The following NEBL variants were observed in gnomAD, a reference collection of about 807,000 sequenced individuals.
NEBL encodes the protein nebulette.
NEBL carries 122 observed loss-of-function variants against 140.2 expected under a neutral mutation model. That is an observed-to-expected ratio of 0.87 (90% CI 0.75 to 1.01). The LOEUF is 1.01. Among genes scored for constraint, NEBL ranks in the 50% least tolerant of loss-of-function variants. The probability of loss-of-function intolerance (pLI) is 0.00; values close to 1 mark genes in which losing one functional copy is unlikely to be tolerated. For synonymous variants in NEBL, 436 were observed against 398.9 expected, an observed-to-expected ratio of 1.09 and a Z score of -1.11; for missense variants, 1,365 against 1,231.3, an observed-to-expected ratio of 1.11 and a Z score of -1.62.
intron 4 of NEBL, 22 bp downstream of exon 4, chr10:20,888,075 A>T (rs1395766409): frequency 6.7e-7 from 1 of 1,490,984 alleles, no homozygotes; most frequent in Admixed American, 1.7e-5. Flanking sequence ...CAAAATCATG[A>T]AACACTTTAG....
intron 1 of NEBL, among the ~76,000 whole-genome samples, chr10:21,264,063 C>A (rs1297418785): frequency 6.6e-6 from 1 of 152,142 alleles, no homozygotes. Flanking sequence ...GCTAGTCATG[C>A]TAGGCCTCCT....
intron 5 of NEBL, among the ~76,000 whole-genome samples, chr10:20,870,448 A>G (rs950746029): frequency 6.6e-6 from 1 of 152,040 alleles, no homozygotes; most frequent in African/African-American, 2.4e-5. Flanking sequence ...ATGTCTTTGT[A>G]TCTAAGTGCA....
At chr10:21,172,573 T>C (rs1368537479) in intron 1 of NEBL, 4 of 826,196 alleles carry the variant, frequency 4.8e-6, no homozygotes, top group Non-Finnish European at 2.0e-6. Flanking sequence ...TCACAGTCCC[T>C]GTAGCTGAAA....
At position 21,038,764 on chromosome 10, in the gene NEBL, C is replaced by T. The variant is rs533352665; in HGVS notation, c.165-18563G>A. ...GCTGGGTCAAATGGGATTTCTGGCT[C>T]TAGATCCTTGAGAAATCACCACACT... On this transcript the variant is annotated intron_variant, in intron 2 of 6. Transcript: ENST00000417816. Among the ~76,000 whole-genome samples the T allele has an allele frequency of 3.9e-5, 6 of 152,310 alleles. No homozygotes were observed. The South Asian group carries it at 1.2e-3, about 32-fold the overall frequency.
intron 2 of NEBL, among the ~76,000 whole-genome samples, chr10:21,144,783 C>T (rs527431226): frequency 6.6e-6 from 1 of 152,014 alleles, no homozygotes; most frequent in Admixed American, 6.6e-5. Flanking sequence ...GGTTCCAACC[C>T]AAGCCCCATC....
chr10:21,203,771 T>G (rs531246351), intron 3 of NEBL, among the ~76,000 whole-genome samples: 1 of 152,280 alleles, frequency 6.6e-6, no homozygotes, highest in East Asian at 1.9e-4. Flanking sequence ...AGCTCCTTCC[T>G]GCATTTGACG....
chr10:21,090,994 C>T (rs1329690001), intron 2 of NEBL, among the ~76,000 whole-genome samples: 1 of 152,032 alleles, frequency 6.6e-6, no homozygotes, highest in African/African-American at 2.4e-5. Context: ...ACCCACCCAG[C>T]CACCCCAACT....
At chr10:21,250,395 G>A (rs1842572624) in intron 2 of NEBL, among the ~76,000 whole-genome samples, 1 of 152,186 alleles carries the variant, frequency 6.6e-6, no homozygotes, top group African/African-American at 2.4e-5. Flanking sequence ...CTTCAGCTTT[G>A]GGACTTGGAC....
At chr10:21,142,810 G>C (rs1312712415) in intron 2 of NEBL, among the ~76,000 whole-genome samples, 1 of 152,080 alleles carries the variant, frequency 6.6e-6, no homozygotes, top group Non-Finnish European at 1.5e-5. Flanking sequence ...CTCCTTATGA[G>C]AATCTAACTA....
At chr10:20,836,937 G>A (rs549216943) in intron 13 of NEBL, among the ~76,000 whole-genome samples, 1 of 152,282 alleles carries the variant, frequency 6.6e-6, no homozygotes, top group South Asian at 2.1e-4. Context: ...CTATAAGTCA[G>A]TGAACTTAAT....
chr10:20,845,329 T>C lies in NEBL; in HGVS notation c.1156A>G (p.Arg386Gly), dbSNP rs1354951574. Residue 386 changes from arginine (R) to glycine (G), a missense_variant, in exon 12 of 28, where the codon AGG becomes GGG. Physicochemically the swap from Arg to Gly is moderately radical, Grantham distance 125. This residue lies in a region of NEBL where 1,323 missense variants were observed against 1,154.8 expected (regional missense o/e 1.15). Transcript: ENST00000377122. ...KEDFEKEIKG[R>G]SSLDLDKTPE... ...GTCTTGTCTAAATCCAGTGATGACC[T>C]TCCTTTAATCTCCTTCTCAAAATCC... The C allele has an allele frequency of 8.1e-6, 13 of 1,605,292 alleles. No individual in the cohort carries two copies. The highest frequency in any genetic ancestry group is 1.7e-5 in the Admixed American group (1 of 59,886).
intron 3 of NEBL, among the ~76,000 whole-genome samples, chr10:21,220,766 T>C (rs1318052077): frequency 6.6e-6 from 1 of 152,226 alleles, no homozygotes; most frequent in African/African-American, 2.4e-5. Flanking sequence ...AAGAAGTTAA[T>C]ATTCAAGATA....
intron 18 of NEBL, among the ~76,000 whole-genome samples, chr10:20,824,811 G>C (rs985447202): frequency 2.0e-5 from 3 of 152,098 alleles, no homozygotes; most frequent in African/African-American, 7.2e-5. Flanking sequence ...AATCAAAATG[G>C]CACAGTTATT....
chr10:21,264,924 T>C (rs1301251619), intron 1 of NEBL, among the ~76,000 whole-genome samples: 2 of 151,618 alleles, frequency 1.3e-5, no homozygotes, highest in Non-Finnish European at 2.9e-5. Flanking sequence ...GAGCCTCTTT[T>C]ATTTTATTTT....
At chr10:21,102,096 T>C (rs761676179) in intron 2 of NEBL, among the ~76,000 whole-genome samples, 5 of 152,228 alleles carry the variant, frequency 3.3e-5, no homozygotes, top group Non-Finnish European at 7.3e-5. Context: ...TTCTCTGCAA[T>C]GTCAAACATC....
At chr10:21,266,486 A>G (rs1842798252) in intron 1 of NEBL, among the ~76,000 whole-genome samples, 1 of 152,234 alleles carries the variant, frequency 6.6e-6, no homozygotes, top group East Asian at 1.9e-4. Context: ...TGCTGCAAGC[A>G]CTGACTTAGC....
chr10:20,883,362 G>A (rs1358992957), intron 4 of NEBL, among the ~76,000 whole-genome samples: 3 of 152,118 alleles, frequency 2.0e-5, no homozygotes. Flanking sequence ...AATTCATCTT[G>A]TTAGAGTCTG....
intron 2 of NEBL, among the ~76,000 whole-genome samples, chr10:21,149,139 C>T (rs560899358): frequency 6.6e-5 from 10 of 152,334 alleles, no homozygotes; most frequent in Admixed American, 2.0e-4. Context: ...CACACCTATC[C>T]GGTGAAGCGT....
chr10:21,138,462 A>C (rs1273960969), intron 2 of NEBL, among the ~76,000 whole-genome samples: 3 of 152,138 alleles, frequency 2.0e-5, no homozygotes, highest in Non-Finnish European at 4.4e-5. Flanking sequence ...GAAATATATA[A>C]TGAATAGAGG....
Sources: allele counts gnomAD v4.1 joint callset (sites outside exome capture counted in the v4.1 genomes callset), GRCh38; gene constraint gnomAD v4.1.1; regional missense constraint gnomAD v4.1.1; transcripts MANE v1.5; gene names NCBI Gene and HGNC (gene_info 2026-07-23, HGNC 2026-07-21).